ZBTB7C: variants seen among roughly 807,000 people sequenced by gnomAD.
The protein encoded by ZBTB7C is zinc finger and BTB domain-containing protein 7C.
In ZBTB7C, 8 loss-of-function variants were observed where a neutral mutation model predicts 25.7. That is an observed-to-expected ratio of 0.31 (90% CI 0.18 to 0.56). The LOEUF is 0.56. Ranked by LOEUF, ZBTB7C falls within the 20% of genes least tolerant of loss-of-function variation. The probability of loss-of-function intolerance (pLI) is 0.91; values close to 1 mark genes in which losing one functional copy is unlikely to be tolerated. For synonymous variants in ZBTB7C, 394 were observed against 369.0 expected, an observed-to-expected ratio of 1.07 and a Z score of -0.78; for missense variants, 824 against 855.2, an observed-to-expected ratio of 0.96 and a Z score of 0.46.
chr18:48,228,786 C>T (rs1342869986), intron 2 of ZBTB7C, among the ~76,000 whole-genome samples: 1 of 147,752 alleles, frequency 6.8e-6, no homozygotes. Flanking sequence ...CGTGCTCATA[C>T]ACACTCGTAC....
At chr18:48,344,064 A>G (rs538672477) in intron 1 of ZBTB7C, among the ~76,000 whole-genome samples, 1 of 152,276 alleles carries the variant, frequency 6.6e-6, no homozygotes, top group Non-Finnish European at 1.5e-5. Flanking sequence ...GGCTCACTGC[A>G]ACCTCCACCT....
intron 2 of ZBTB7C, among the ~76,000 whole-genome samples, chr18:48,247,940 G>A (rs778959321): frequency 1.3e-4 from 20 of 152,302 alleles, no homozygotes; most frequent in Non-Finnish European, 2.4e-4. Flanking sequence ...TGTCAACGGC[G>A]GGGCCAGGTG....
At chr18:48,061,963 C>T (rs4245251) in intron 3 of ZBTB7C, among the ~76,000 whole-genome samples, 67,109 of 152,012 alleles carry the variant, frequency 0.44, 16,927 homozygotes, top group African/African-American at 0.7. Flanking sequence ...CCTCAGTAAA[C>T]AGCAAGTGCC....
intron 3 of ZBTB7C, among the ~76,000 whole-genome samples, 153 bp downstream of exon 3, chr18:48,185,781 G>A (rs903095757): frequency 3.3e-5 from 5 of 152,084 alleles, no homozygotes; most frequent in Non-Finnish European, 7.4e-5. Flanking sequence ...TACATTCCTG[G>A]GTTCAGCTCC....
chr18:48,197,671 C>A (rs1161573504), intron 2 of ZBTB7C, among the ~76,000 whole-genome samples: 1 of 152,154 alleles, frequency 6.6e-6, no homozygotes, highest in Admixed American at 6.5e-5. Flanking sequence ...GTTTCAGACA[C>A]CATCTTCTCA....
intron 3 of ZBTB7C, among the ~76,000 whole-genome samples, chr18:48,059,918 G>C (rs995488622): frequency 1.3e-5 from 2 of 152,220 alleles, no homozygotes; most frequent in East Asian, 3.9e-4. Context: ...CTGGTGGGAG[G>C]GTGCGACCCT....
chr18:48,409,973 C>T (rs895041032), upstream of ZBTB7C, among the ~76,000 whole-genome samples: 3 of 118,602 alleles, frequency 2.5e-5, no homozygotes, highest in South Asian at 4.4e-4. Context: ...CACACCCGAC[C>T]CGGGGCAGCG....
chr18:48,157,078 G>A (rs1368271892), intron 3 of ZBTB7C, among the ~76,000 whole-genome samples: 2 of 152,166 alleles, frequency 1.3e-5, no homozygotes, highest in Non-Finnish European at 2.9e-5. Flanking sequence ...AAGGGTGGGA[G>A]AGGGTAGAGC....
chr18:48,410,165 T>C (rs1201374042), upstream of ZBTB7C, among the ~76,000 whole-genome samples: 2 of 152,194 alleles, frequency 1.3e-5, no homozygotes, highest in African/African-American at 4.8e-5. Flanking sequence ...GTTTCCCAAA[T>C]GCTCTCGGCA....
rs568185315 is a variant in ZBTB7C at position 48,201,847 on chromosome 18, G to A, written c.-78-15852C>T. ...AGCAGCCTTTGTTCCAGTCTTCCTC[G>A]GGAAAAACCCAGAGAGCTGCATAAA... On this transcript the variant is annotated intron_variant, in intron 2 of 4. Transcript: ENST00000590800. 3.9e-5 allele frequency among the ~76,000 whole-genome samples: 6 copies of A among 152,218 alleles called. No homozygotes were observed. In the South Asian group the frequency reaches 1.0e-3, roughly 26 times the overall value.
At chr18:48,191,618 A>AC (rs2042198372) in intron 2 of ZBTB7C, among the ~76,000 whole-genome samples, 1 of 152,120 alleles carries the variant, frequency 6.6e-6, no homozygotes, top group African/African-American at 2.4e-5. Flanking sequence ...ATGATAGCTG[A>AC]CCACATTCCT....
At chr18:48,412,564 G>A (rs548372051), upstream of ZBTB7C, among the ~76,000 whole-genome samples, 2 of 152,306 alleles carry the variant, frequency 1.3e-5, no homozygotes, top group Admixed American at 6.5e-5. Flanking sequence ...GCCTCTAGAG[G>A]AGAAAGAGGG....
rs576417501 is a variant in ZBTB7C at position 48,326,220 on chromosome 18, C to A, written c.-79+11954G>T. On this transcript the variant is annotated intron_variant, in intron 2 of 4. Coordinates refer to ENST00000590800, the MANE Select transcript of ZBTB7C (RefSeq NM_001318841.2). Reference sequence around the variant, plus strand: ...AAGCAATTATCCTGCCTCAGCCTCTCGAGTAGCTGGGATTACAGGTGCGTG... The same window carrying A: ...AAGCAATTATCCTGCCTCAGCCTCTAGAGTAGCTGGGATTACAGGTGCGTG... 7.9e-5 allele frequency among the ~76,000 whole-genome samples: 12 copies of A among 151,660 alleles called. No individual in the cohort carries two copies. In the East Asian group the frequency reaches 2.1e-3, roughly 27 times the overall value.
intron 3 of ZBTB7C, among the ~76,000 whole-genome samples, chr18:48,074,538 T>G (rs1353132255): frequency 6.6e-6 from 1 of 152,212 alleles, no homozygotes; most frequent in Non-Finnish European, 1.5e-5. Context: ...GCCCAGCAGC[T>G]CAGAACCGCA....
intron 1 of ZBTB7C, among the ~76,000 whole-genome samples, chr18:48,372,410 C>T (rs1046157066): frequency 2.6e-5 from 4 of 152,194 alleles, no homozygotes; most frequent in African/African-American, 9.7e-5. Flanking sequence ...CCAGTTCTGG[C>T]CAATAGGCTA....
chr18:48,266,064 C>T (rs1187335906), intron 2 of ZBTB7C, among the ~76,000 whole-genome samples: 3 of 152,164 alleles, frequency 2.0e-5, no homozygotes, highest in Non-Finnish European at 4.4e-5. Flanking sequence ...AATTTACTCG[C>T]AAATGGTTCA....
intron 2 of ZBTB7C, among the ~76,000 whole-genome samples, chr18:48,216,151 C>CTT (rs1212662281): frequency 2.0e-5 from 3 of 152,160 alleles, no homozygotes; most frequent in Non-Finnish European, 2.9e-5. Flanking sequence ...CAGTGGGGGA[C>CTT]TTAGAATTTT....
intron 2 of ZBTB7C, among the ~76,000 whole-genome samples, chr18:48,190,305 A>G (rs151095187): frequency 1.3e-5 from 2 of 152,340 alleles, no homozygotes; most frequent in African/African-American, 2.4e-5. Flanking sequence ...TATTAACTAT[A>G]TGATGGTTTA....
chr18:48,194,300 C>A (rs1002048650), intron 2 of ZBTB7C, among the ~76,000 whole-genome samples: 1 of 152,220 alleles, frequency 6.6e-6, no homozygotes, highest in Non-Finnish European at 1.5e-5. Context: ...ATCTCTCACA[C>A]CAGCTTCTAA....
Sources: allele counts gnomAD v4.1 joint callset (sites outside exome capture counted in the v4.1 genomes callset), GRCh38; gene constraint gnomAD v4.1.1; transcripts MANE v1.5; gene names NCBI Gene and HGNC (gene_info 2026-07-23, HGNC 2026-07-21).